CCDC149: variants seen among roughly 807,000 people sequenced by gnomAD.
CCDC149 encodes the protein coiled-coil domain containing 149.
CCDC149 carries 45 observed loss-of-function variants against 59.9 expected under a neutral mutation model. That is an observed-to-expected ratio of 0.75 (90% CI 0.59 to 0.96). CCDC149 has a LOEUF of 0.96. CCDC149 is among the 40% of genes least tolerant of loss of function. The probability of loss-of-function intolerance (pLI) is 0.00; values close to 1 mark genes in which losing one functional copy is unlikely to be tolerated. For missense variants in CCDC149, 584 were observed against 664.7 expected (o/e 0.88, Z 1.33); for synonymous variants, 245 against 260.6 (o/e 0.94, Z 0.58).
chr4:24,876,424 C>T (rs941064869), intron 2 of CCDC149, 112 bp downstream of exon 2: 17 of 1,211,224 alleles, frequency 1.4e-5, no homozygotes, highest in African/African-American at 3.0e-5. Context: ...TAAATTTTTC[C>T]ACTTTGAACT....
intron 4 of CCDC149, among the ~76,000 whole-genome samples, chr4:24,847,650 T>G (rs1319028221): frequency 6.6e-6 from 1 of 152,222 alleles, no homozygotes; most frequent in Non-Finnish European, 1.5e-5. Flanking sequence ...GCATTATTAT[T>G]GCCACTTTAC....
chr4:24,935,243 A>C (rs1722704663), intron 1 of CCDC149, among the ~76,000 whole-genome samples: 1 of 152,204 alleles, frequency 6.6e-6, no homozygotes, highest in African/African-American at 2.4e-5. Context: ...GCATAATTCA[A>C]ACTTACTTCA....
downstream of CCDC149, among the ~76,000 whole-genome samples, chr4:24,805,610 C>A (rs987995481): frequency 1.3e-5 from 2 of 152,150 alleles, no homozygotes; most frequent in Admixed American, 1.3e-4. Context: ...TCTTGGTGAA[C>A]CTAAACAGAT....
chr4:24,816,879 C>G (rs549038308), intron 12 of CCDC149, among the ~76,000 whole-genome samples: 1 of 152,212 alleles, frequency 6.6e-6, no homozygotes, highest in African/African-American at 2.4e-5. Context: ...GCCACTGGCC[C>G]GAAAAGGCGA....
At chr4:24,838,345 T>C in intron 4 of CCDC149, 73 bp from the exon 5 acceptor site, 1 of 1,092,798 alleles carries the variant, frequency 9.2e-7, no homozygotes, top group Non-Finnish European at 1.4e-6. Flanking sequence ...CAAAGGACAC[T>C]AAGAAACTTT....
chr4:24,905,288 T>G (rs11937863), intron 1 of CCDC149, among the ~76,000 whole-genome samples: 34,809 of 151,952 alleles, frequency 0.23, 4,787 homozygotes, highest in African/African-American at 0.4. Context: ...TGTGACTCTT[T>G]ATTGTTTTAA....
intron 1 of CCDC149, among the ~76,000 whole-genome samples, chr4:24,956,660 G>A (rs1249803345): frequency 6.6e-6 from 1 of 152,154 alleles, no homozygotes; most frequent in East Asian, 1.9e-4. Context: ...CGAAGGATCA[G>A]GGGTCTGCCA....
intron 1 of CCDC149, 132 bp from the exon 2 acceptor site, chr4:24,876,829 C>T: frequency 1.2e-6 from 1 of 833,494 alleles, no homozygotes; most frequent in Admixed American, 2.8e-5. Context: ...CCGAGAGAGA[C>T]ATTTTTCAGC....
intron 2 of CCDC149, among the ~76,000 whole-genome samples, chr4:24,874,142 GA>G (rs1323879204): frequency 6.6e-6 from 1 of 151,562 alleles, no homozygotes; most frequent in Non-Finnish European, 1.5e-5. Context: ...GAGAGACAGA[GA>G]AAGAGAGAGT....
intron 1 of CCDC149, among the ~76,000 whole-genome samples, chr4:24,932,076 C>A (rs568857927): frequency 6.6e-6 from 1 of 151,826 alleles, no homozygotes; most frequent in Non-Finnish European, 1.5e-5. Context: ...TCTAGCACAG[C>A]CAGTTTAGTT....
intron 1 of CCDC149, among the ~76,000 whole-genome samples, chr4:24,886,841 T>C (rs2109274019): frequency 6.6e-6 from 1 of 152,236 alleles, no homozygotes; most frequent in East Asian, 1.9e-4. Context: ...AGACAGCTGG[T>C]GTATACTAAC....
chr4:24,965,746 A>G (rs778798777), intron 1 of CCDC149, among the ~76,000 whole-genome samples: 1 of 152,242 alleles, frequency 6.6e-6, no homozygotes, highest in Non-Finnish European at 1.5e-5. Context: ...ACAAGGGCCA[A>G]TTAACTGAAA....
intron 1 of CCDC149, among the ~76,000 whole-genome samples, chr4:24,933,231 G>A (rs1272674669): frequency 2.0e-5 from 3 of 152,140 alleles, no homozygotes; most frequent in African/African-American, 7.2e-5. Context: ...GGGCTGGGTG[G>A]CACTAGAAAT....
At chr4:24,826,721 G>A (rs577104698) in intron 9 of CCDC149, among the ~76,000 whole-genome samples, 6 of 152,176 alleles carry the variant, frequency 3.9e-5, no homozygotes, top group Admixed American at 2.0e-4. Flanking sequence ...GATGGGAGTT[G>A]AGAAGAGGCA....
At chr4:24,970,817 G>T (rs4697515) in intron 1 of CCDC149, among the ~76,000 whole-genome samples, 24,957 of 151,858 alleles carry the variant, frequency 0.16, 3,708 homozygotes, top group African/African-American at 0.39. Flanking sequence ...ACTCTCTTGG[G>T]TTTTGTGAGT....
intron 1 of CCDC149, among the ~76,000 whole-genome samples, chr4:24,956,987 T>C (rs1394411748): frequency 6.6e-6 from 1 of 152,196 alleles, no homozygotes; most frequent in Admixed American, 6.5e-5. Context: ...AGAAATCCCA[T>C]GGTACTAAGC....
At chr4:24,805,161 C>G (rs1045905603), downstream of CCDC149, among the ~76,000 whole-genome samples, 1 of 152,210 alleles carries the variant, frequency 6.6e-6, no homozygotes, top group Non-Finnish European at 1.5e-5. Flanking sequence ...AGAGCGATCA[C>G]AGGAGAGGCA....
chr4:24,942,723 A>T (rs28800799), intron 1 of CCDC149, among the ~76,000 whole-genome samples: 61,474 of 152,088 alleles, frequency 0.4, 14,793 homozygotes, highest in Non-Finnish European at 0.54. Flanking sequence ...ATCAATGTGC[A>T]AAAATCAAAA....
chr4:24,823,548 T>C (rs1715542794), intron 9 of CCDC149, among the ~76,000 whole-genome samples: 1 of 152,248 alleles, frequency 6.6e-6, no homozygotes, highest in Non-Finnish European at 1.5e-5. Context: ...ATCACCTTAA[T>C]AGCAAAGTTT....
Sources: gnomAD v4.1 joint callset for allele counts (sites outside exome capture counted in the v4.1 genomes callset) on GRCh38, gnomAD v4.1.1 for gene constraint, MANE v1.5 for transcripts, NCBI Gene and HGNC (gene_info 2026-07-23, HGNC 2026-07-21) for gene names.